AK5: variants seen among roughly 807,000 people sequenced by gnomAD.
AK5 encodes the protein adenylate kinase isoenzyme 5.
A neutral mutation model predicts 69.5 loss-of-function variants in AK5; 27 were observed. The ratio of observed to expected loss-of-function variants is 0.39; its 90% confidence interval spans 0.29 to 0.54. The LOEUF is 0.54. Ranked by LOEUF, AK5 falls within the 20% of genes least tolerant of loss-of-function variation. AK5 has a pLI of 0.71. For synonymous variants in AK5, 260 were observed against 244.4 expected, an observed-to-expected ratio of 1.06 and a Z score of -0.60; for missense variants, 531 against 700.4, an observed-to-expected ratio of 0.76 and a Z score of 2.73.
intron 8 of AK5, among the ~76,000 whole-genome samples, chr1:77,427,281 G>C (rs1167664004): frequency 6.6e-6 from 1 of 151,866 alleles, no homozygotes; most frequent in Non-Finnish European, 1.5e-5. Flanking sequence ...AAAAAATAGA[G>C]AAACACAAAT....
chr1:77,429,789 G>T (rs114492256), intron 8 of AK5, among the ~76,000 whole-genome samples: 19 of 152,284 alleles, frequency 1.2e-4, no homozygotes, highest in African/African-American at 4.6e-4. Context: ...AGATCTGTAA[G>T]ATTGGTCATA....
intron 8 of AK5, among the ~76,000 whole-genome samples, chr1:77,432,147 A>C (rs954365572): frequency 2.0e-5 from 3 of 152,092 alleles, no homozygotes; most frequent in Non-Finnish European, 2.9e-5. Flanking sequence ...GATTCTGATA[A>C]CTTTCACATT....
At chr1:77,316,456 T>C (rs1335707429) in intron 5 of AK5, among the ~76,000 whole-genome samples, 1 of 152,006 alleles carries the variant, frequency 6.6e-6, no homozygotes, top group Admixed American at 6.6e-5. Flanking sequence ...ATATGAAAAA[T>C]TCTCAACTAG....
At position 77,496,916 on chromosome 1, in the gene AK5, C is replaced by T. The variant is rs937876619; in HGVS notation, c.1147+10564C>T. On this transcript the variant is annotated intron_variant, in intron 10 of 13. Coordinates refer to ENST00000354567, the MANE Select transcript of AK5 (RefSeq NM_174858.3). Reference sequence around the variant, plus strand: ...TTGGCACGCTGTAAAATGGACCAATCGGCACTCTGTAAAATGGACCAATCA... The same window carrying T: ...TTGGCACGCTGTAAAATGGACCAATTGGCACTCTGTAAAATGGACCAATCA... Among the ~76,000 whole-genome samples, 7 of 152,198 alleles carry T rather than the reference C, an allele frequency of 4.6e-5. No individual in the cohort carries two copies. In the East Asian group the frequency reaches 5.8e-4, roughly 13 times the overall value.
chr1:77,332,729 A>G (rs2100357725), intron 5 of AK5, among the ~76,000 whole-genome samples: 1 of 151,986 alleles, frequency 6.6e-6, no homozygotes, highest in South Asian at 2.1e-4. Flanking sequence ...TATGGCTCAG[A>G]ATATATTCAA....
At chr1:77,348,545 C>T (rs12730972) in intron 6 of AK5, among the ~76,000 whole-genome samples, 4,092 of 152,220 alleles carry the variant, frequency 0.027, 91 homozygotes, top group Non-Finnish European at 0.045. Context: ...CTGTTACTGA[C>T]AGGTCTATCT....
intron 1 of AK5, chr1:77,283,029 C>A: frequency 1.0e-6 from 1 of 985,616 alleles, no homozygotes; most frequent in Non-Finnish European, 1.2e-6. Flanking sequence ...GCTCGACAAC[C>A]CACCTGGAGA....
At chr1:77,454,810 TTC>T (rs1311414499) in intron 8 of AK5, among the ~76,000 whole-genome samples, 1 of 147,100 alleles carries the variant, frequency 6.8e-6, no homozygotes, top group Non-Finnish European at 1.5e-5. Context: ...AATGGATATG[TTC>T]TCTCTCAAGT....
At chr1:77,430,131 A>C (rs1487481686) in intron 8 of AK5, among the ~76,000 whole-genome samples, 9 of 51,212 alleles carry the variant, frequency 1.8e-4, no homozygotes, top group Non-Finnish European at 2.7e-4. Context: ...TATGGAGTTC[A>C]AAAAAAAAAA....
intron 5 of AK5, among the ~76,000 whole-genome samples, chr1:77,316,160 T>C (rs1343088944): frequency 1.3e-5 from 2 of 152,126 alleles, no homozygotes; most frequent in Non-Finnish European, 1.5e-5. Flanking sequence ...TCTTACTCAG[T>C]TGCATTCCTT....
intron 12 of AK5, among the ~76,000 whole-genome samples, chr1:77,529,669 G>A (rs549744648): frequency 2.0e-5 from 3 of 152,268 alleles, no homozygotes; most frequent in South Asian, 4.1e-4. Context: ...TCCCTGGTGT[G>A]AAATTGAAAT....
chr1:77,455,580 C>A (rs11800652), intron 8 of AK5, among the ~76,000 whole-genome samples: 6,938 of 152,276 alleles, frequency 0.046, 402 homozygotes, highest in East Asian at 0.19. Context: ...TCTGCCAGAG[C>A]CTTGAACTTC....
intron 6 of AK5, among the ~76,000 whole-genome samples, chr1:77,367,444 T>C (rs1646970840): frequency 1.2e-5 from 1 of 82,532 alleles, no homozygotes; most frequent in East Asian, 4.1e-4. Context: ...TACCTCAGTT[T>C]CCCAAGTAGC....
intron 12 of AK5, among the ~76,000 whole-genome samples, chr1:77,533,807 G>T (rs891181306): frequency 6.6e-6 from 1 of 152,022 alleles, no homozygotes; most frequent in African/African-American, 2.4e-5. Context: ...TGGAAAAATC[G>T]CCTGGCTGTC....
chr1:77,300,003 C>T (rs1570337749), intron 5 of AK5, among the ~76,000 whole-genome samples: 1 of 152,162 alleles, frequency 6.6e-6, no homozygotes, highest in African/African-American at 2.4e-5. Context: ...TAAATCAAAA[C>T]TTTAATTTCG....
chr1:77,298,536 G>A (rs1276467052), intron 5 of AK5, among the ~76,000 whole-genome samples: 3 of 151,886 alleles, frequency 2.0e-5, no homozygotes, highest in Non-Finnish European at 4.4e-5. Context: ...GGACTCAGTG[G>A]CTCACGCCTG....
At chr1:77,289,168 G>A (rs10782645) in intron 2 of AK5, among the ~76,000 whole-genome samples, 70,316 of 151,990 alleles carry the variant, frequency 0.46, 16,704 homozygotes, top group Middle Eastern at 0.55. Flanking sequence ...CCTGGTACAC[G>A]AGTAGCAAAT....
chr1:77,368,245 A>ATATATATGTTATGTATAT (rs1553140334), intron 6 of AK5, among the ~76,000 whole-genome samples: 1 of 67,906 alleles, frequency 1.5e-5, no homozygotes, highest in Admixed American at 2.2e-4. Flanking sequence ...ATATATATAT[A>ATATATATGTTATGTATAT]TATATATAAT....
At chr1:77,301,691 C>A (rs1311383333) in intron 5 of AK5, among the ~76,000 whole-genome samples, 12 of 152,182 alleles carry the variant, frequency 7.9e-5, no homozygotes, top group Admixed American at 7.9e-4. Flanking sequence ...ACTCAGCCAC[C>A]TGGAAACTGA....
Sources: gnomAD v4.1 joint callset for allele counts (sites outside exome capture counted in the v4.1 genomes callset) on GRCh38, gnomAD v4.1.1 for gene constraint, MANE v1.5 for transcripts, NCBI Gene and HGNC (gene_info 2026-07-23, HGNC 2026-07-21) for gene names.